Variants in MLLT1 observed in about 807,000 individuals in gnomAD.
The protein encoded by MLLT1 is MLLT1 super elongation complex subunit.
A neutral mutation model predicts 55.1 loss-of-function variants in MLLT1; 11 were observed. The observed-to-expected ratio is 0.20, with a 90% confidence interval of 0.13 to 0.33. The LOEUF (loss-of-function observed/expected upper bound fraction) is 0.33, where lower values mean the gene tolerates loss of function less well. MLLT1 is among the 10% of genes least tolerant of loss of function. The probability of loss-of-function intolerance (pLI) is 1.00; values close to 1 mark genes in which losing one functional copy is unlikely to be tolerated. For missense variants in MLLT1, 536 were observed against 760.6 expected, an observed-to-expected ratio of 0.70 and a Z score of 3.47; for synonymous variants, 323 against 320.1, an observed-to-expected ratio of 1.01 and a Z score of -0.10.
chr19:6,248,663 G>A (rs2091188889), intron 3 of MLLT1, among the ~76,000 whole-genome samples: 1 of 152,192 alleles, frequency 6.6e-6, no homozygotes, highest in Non-Finnish European at 1.5e-5. Context: ...GAAAGACTGA[G>A]GAAAGAGACA....
chr19:6,255,743 G>A (rs1304195960), intron 3 of MLLT1, among the ~76,000 whole-genome samples: 1 of 152,134 alleles, frequency 6.6e-6, no homozygotes, highest in Non-Finnish European at 1.5e-5. Context: ...AAGTTCATAT[G>A]GAATCACAAG....
chr19:6,218,297 C>T (rs1031619896), intron 6 of MLLT1, among the ~76,000 whole-genome samples: 9 of 152,222 alleles, frequency 5.9e-5, no homozygotes, highest in East Asian at 1.9e-4. Flanking sequence ...GCCAGGAGAC[C>T]GTGTGGACCA....
intron 3 of MLLT1, among the ~76,000 whole-genome samples, chr19:6,249,388 C>T (rs1309328328): frequency 6.6e-6 from 1 of 152,162 alleles, no homozygotes; most frequent in Non-Finnish European, 1.5e-5. Context: ...TCTCTGACCA[C>T]TTCCAGGACA....
rs1007420702 is a variant in MLLT1 at position 6,237,350 on chromosome 19, C to G, written c.277-6637G>C. 2.0e-5 allele frequency among the ~76,000 whole-genome samples: 3 copies of G among 152,178 alleles called. No homozygotes were observed. In the South Asian group the frequency reaches 6.2e-4, roughly 31 times the overall value. On this transcript the variant is annotated intron_variant, in intron 3 of 11. Coordinates refer to ENST00000252674, the MANE Select transcript of MLLT1 (RefSeq NM_005934.4). ...AACCAGCCCTCCTGCAAGGTCTTCC[C>G]GCTCCTGCCGACCCTGGCTGTCTCC...
intron 1 of MLLT1, among the ~76,000 whole-genome samples, chr19:6,275,489 G>C (rs2091423113): frequency 6.6e-6 from 1 of 152,226 alleles, no homozygotes; most frequent in African/African-American, 2.4e-5. Flanking sequence ...GCCAAGCCCA[G>C]TCGGGGCCCT....
intron 3 of MLLT1, among the ~76,000 whole-genome samples, chr19:6,237,763 C>CAAAA (rs1269996726): frequency 4.2e-5 from 3 of 71,768 alleles, no homozygotes; most frequent in African/African-American, 1.4e-4. Flanking sequence ...ACTCTTGTCT[C>CAAAA]AAAAAAAAAA....
chr19:6,271,080 A>C (rs1191303409), intron 1 of MLLT1, among the ~76,000 whole-genome samples: 1 of 151,586 alleles, frequency 6.6e-6, no homozygotes, highest in Admixed American at 6.6e-5. Flanking sequence ...CTGGCCTAGG[A>C]TCCTCTGCTC....
At chr19:6,237,852 G>C (rs989520398) in intron 3 of MLLT1, among the ~76,000 whole-genome samples, 1 of 151,828 alleles carries the variant, frequency 6.6e-6, no homozygotes, top group African/African-American at 2.4e-5. Flanking sequence ...CTGCAATCCC[G>C]GCACTTTGGG....
intron 3 of MLLT1, among the ~76,000 whole-genome samples, chr19:6,251,046 C>T (rs545969793): frequency 2.0e-5 from 3 of 152,204 alleles, no homozygotes; most frequent in Admixed American, 2.0e-4. Context: ...ATAGGCCCAT[C>T]CACCAAGACA....
chr19:6,225,396 C>G (rs570887035), intron 5 of MLLT1, among the ~76,000 whole-genome samples: 3 of 152,224 alleles, frequency 2.0e-5, no homozygotes, highest in Non-Finnish European at 2.9e-5. Context: ...GCCACTCACT[C>G]TCCAGGCAGA....
intron 3 of MLLT1, among the ~76,000 whole-genome samples, chr19:6,246,988 C>G (rs4807071): frequency 0.21 from 31,632 of 152,118 alleles, 3,515 homozygotes; most frequent in Middle Eastern, 0.26. Context: ...AACTACTTTC[C>G]GGGTATCCTG....
At chr19:6,223,346 G>C (rs765097325) in intron 5 of MLLT1, among the ~76,000 whole-genome samples, 1 of 152,202 alleles carries the variant, frequency 6.6e-6, no homozygotes, top group Non-Finnish European at 1.5e-5. Context: ...GAAACCGCCT[G>C]GGTCGCTTTC....
At position 6,219,486 on chromosome 19, in the gene MLLT1, C is replaced by T. The variant is rs932960346; in HGVS notation, c.1111-1445G>A. Among the ~76,000 whole-genome samples the T allele has an allele frequency of 1.3e-5, 2 of 152,234 alleles. No homozygotes were observed. The highest frequency in any genetic ancestry group is 1.9e-4 in the East Asian group (1 of 5,178). Reference sequence around the variant, plus strand: ...GGGCCAGGGGTGAGTAAGAGGTGACCGAGAGATGGCCTATTTAACCCCAGC... The same window carrying T: ...GGGCCAGGGGTGAGTAAGAGGTGACTGAGAGATGGCCTATTTAACCCCAGC... On this transcript the variant is annotated intron_variant, in intron 6 of 11. Transcript: ENST00000252674. This position sits in a 1 kb window ranked among gnomAD's most constrained non-coding sequence, Gnocchi z 4.5.
chr19:6,242,043 C>T (rs970950192), intron 3 of MLLT1, among the ~76,000 whole-genome samples: 6 of 152,226 alleles, frequency 3.9e-5, no homozygotes, highest in African/African-American at 1.2e-4. Flanking sequence ...AGCGTTGCTC[C>T]GCTTCTGCGC....
chr19:6,262,999 C>T lies in MLLT1; in HGVS notation c.194-689G>A, dbSNP rs1031959708. 4 of 152,132 alleles carry T rather than the reference C, an allele frequency of 2.6e-5. No individual in the cohort carries two copies. The highest frequency in any genetic ancestry group is 9.7e-5 in the African/African-American group (4 of 41,382). 9.4% of individuals were successfully genotyped at this position (152,132 alleles called of 1,614,324 possible). On this transcript the variant is annotated intron_variant, in intron 2 of 11. Transcript: ENST00000252674. This position sits in a 1 kb window ranked among gnomAD's most constrained non-coding sequence, Gnocchi z 4.4. ...AGGAGTTCGAGACCAGCCTGGCCAA[C>T]ATGATGAAACTCCGTCTCTAATAAA... is the stretch of plus-strand genomic sequence containing the variant.
At position 6,219,782 on chromosome 19, in the gene MLLT1, A is replaced by C. The variant is rs2144854434; in HGVS notation, c.1111-1741T>G. Among the ~76,000 whole-genome samples, 1 of 152,358 alleles carries C rather than the reference A, an allele frequency of 6.6e-6. No individual in the cohort carries two copies. Among genetic ancestry groups the C allele is most frequent in the South Asian group, 2.1e-4 (1 of 4,832 alleles). Reference sequence around the variant, plus strand: ...CCAAAGGAGGCTGCACAAGGTCAGCAGGGATGGAAGCAGAGAGGATGCTGA... The same window carrying C: ...CCAAAGGAGGCTGCACAAGGTCAGCCGGGATGGAAGCAGAGAGGATGCTGA... On this transcript the variant is annotated intron_variant, in intron 6 of 11. Coordinates refer to ENST00000252674, the MANE Select transcript of MLLT1 (RefSeq NM_005934.4). The surrounding 1 kb of genome is among the most constrained non-coding windows in gnomAD (Gnocchi z 4.5).
Position 6,212,419 on chromosome 19 carries a change from C to G in MLLT1, c.*623G>C. On this transcript the variant is annotated 3_prime_UTR_variant, in exon 12 of 12. Transcript: ENST00000252674. The stretch of plus-strand genomic sequence containing the variant: ...AGCCCCACCGTACGCACCCCCCACC[C>G]ACCCCACGTGCACTGCTGCCACAGA... 9.4e-7 allele frequency: 1 copy of G among 1,066,490 alleles called. No individual in the cohort carries two copies. Among genetic ancestry groups the G allele is most frequent in the Non-Finnish European group, 1.1e-6 (1 of 880,030 alleles). 66.1% of individuals were successfully genotyped at this position (1,066,490 alleles called of 1,614,324 possible).
In MLLT1 at chr19:6,219,598, G is replaced by A. The variant is rs1012527515; in HGVS notation, c.1111-1557C>T. Among the ~76,000 whole-genome samples the A allele has an allele frequency of 1.3e-5, 2 of 152,190 alleles. No individual in the cohort carries two copies. The highest frequency in any genetic ancestry group is 4.8e-5 in the African/African-American group (2 of 41,436). On this transcript the variant is annotated intron_variant, in intron 6 of 11. Coordinates refer to ENST00000252674, the MANE Select transcript of MLLT1 (RefSeq NM_005934.4). This position sits in a 1 kb window ranked among gnomAD's most constrained non-coding sequence, Gnocchi z 4.5. The stretch of plus-strand genomic sequence containing the variant: ...CAGCACCGCCAGCTGCCTGCACACC[G>A]AGGCCAAGGCTAGTCCTCCCTTGAC...
At chr19:6,261,369 T>C (rs1357964378) in intron 3 of MLLT1, among the ~76,000 whole-genome samples, 1 of 152,178 alleles carries the variant, frequency 6.6e-6, no homozygotes, top group Non-Finnish European at 1.5e-5. Context: ...AGGCCCTTCG[T>C]GCCAGAGGGT....
Sources: allele counts gnomAD v4.1 joint callset (sites outside exome capture counted in the v4.1 genomes callset), GRCh38; gene constraint gnomAD v4.1.1; non-coding constraint Gnocchi (gnomAD v3.1); transcripts MANE v1.5; gene names NCBI Gene and HGNC (gene_info 2026-07-23, HGNC 2026-07-21).